Variants in VMP1 observed in about 807,000 individuals in gnomAD.
The protein encoded by VMP1 is ectopic P-granules autophagy protein 3 homolog.
VMP1 carries 11 observed loss-of-function variants against 56.0 expected under a neutral mutation model. The ratio of observed to expected loss-of-function variants is 0.20; its 90% CI spans 0.12 to 0.32. VMP1 has a LOEUF of 0.32. Ranked by LOEUF, VMP1 falls within the 10% of genes least tolerant of loss-of-function variation. The pLI, the probability that VMP1 is intolerant of heterozygous loss-of-function variation, is 1.00. For missense variants in VMP1, 296 were observed against 490.3 expected (o/e 0.60, Z 3.74); for synonymous variants, 149 against 165.0 (o/e 0.90, Z 0.74).
At chr17:59,751,185 A>T (rs2035629771) in intron 5 of VMP1, among the ~76,000 whole-genome samples, 1 of 151,860 alleles carries the variant, frequency 6.6e-6, no homozygotes, top group South Asian at 2.1e-4. Flanking sequence ...GCCAGGTAGC[A>T]CCTTTTAAGC....
intron 1 of VMP1, 53 bp from the exon 2 acceptor site, chr17:59,731,368 G>A: frequency 9.1e-7 from 1 of 1,102,738 alleles, no homozygotes; most frequent in South Asian, 1.5e-5. Flanking sequence ...TTCAGTCACA[G>A]CTACACAGCA....
rs551779243 is a variant in VMP1, at chr17:59,781,083, G to A, written c.714+7198G>A. On this transcript the variant is annotated intron_variant, in intron 7 of 11. Coordinates refer to ENST00000262291, the MANE Select transcript of VMP1 (RefSeq NM_030938.5). ...CAGTTGAAGGGGTGAGGGAGAACAAGTGGAAAGAGACTGTTGCCGGTTTTC... is the reference window on the plus strand; with the variant it reads ...CAGTTGAAGGGGTGAGGGAGAACAAATGGAAAGAGACTGTTGCCGGTTTTC... Among the ~76,000 whole-genome samples, 4 of 152,280 alleles carry A rather than the reference G, an allele frequency of 2.6e-5. No individual in the cohort carries two copies. The East Asian group carries it at 7.7e-4, about 29-fold the overall frequency.
At chr17:59,780,000 T>C (rs1487783014) in intron 7 of VMP1, among the ~76,000 whole-genome samples, 1 of 152,226 alleles carries the variant, frequency 6.6e-6, no homozygotes, top group African/African-American at 2.4e-5. Flanking sequence ...AGTCTTTATC[T>C]ATCTACTGTT....
chr17:59,746,976 A>G (rs1352142042), intron 5 of VMP1, among the ~76,000 whole-genome samples: 2 of 152,180 alleles, frequency 1.3e-5, no homozygotes, highest in Non-Finnish European at 2.9e-5. Flanking sequence ...GTGAAATGTT[A>G]AGAACCATTC....
At chr17:59,788,141 A>G (rs2144104224) in intron 7 of VMP1, among the ~76,000 whole-genome samples, 1 of 152,332 alleles carries the variant, frequency 6.6e-6, no homozygotes, top group South Asian at 2.1e-4. Context: ...GCAGGGAAAA[A>G]AAGAATAAAT....
intron 10 of VMP1, among the ~76,000 whole-genome samples, chr17:59,823,985 C>T (rs775686525): frequency 4.6e-5 from 7 of 152,156 alleles, no homozygotes; most frequent in African/African-American, 1.7e-4. Flanking sequence ...AATCCCGGGC[C>T]GGGCGCAGAG....
chr17:59,757,759 T>C (rs574338235), intron 5 of VMP1, among the ~76,000 whole-genome samples: 28 of 151,722 alleles, frequency 1.8e-4, no homozygotes, highest in African/African-American at 6.5e-4. Flanking sequence ...CAAATCCAGA[T>C]GTCCAATATG....
chr17:59,816,807 G>A lies in VMP1; in HGVS notation c.913-905G>A, dbSNP rs376622907. 1.8e-3 allele frequency among the ~76,000 whole-genome samples: 277 copies of A among 151,602 alleles called. 1 individual carries two copies. Among genetic ancestry groups the A allele is most frequent in the East Asian group, 4.3e-3 (22 of 5,144 alleles). ...CAAAAAACACAAAAATTTGCTAGGC[G>A]TGGTGTCGTGCGCCTGTAATCCCAG... On this transcript the variant is annotated intron_variant, in intron 9 of 11. Transcript: ENST00000262291.
At chr17:59,763,487 T>A (rs555986944) in intron 5 of VMP1, among the ~76,000 whole-genome samples, 1 of 152,278 alleles carries the variant, frequency 6.6e-6, no homozygotes, top group South Asian at 2.1e-4. Flanking sequence ...ATCGATTTTT[T>A]TGATCCAGAA....
intron 9 of VMP1, among the ~76,000 whole-genome samples, chr17:59,813,351 G>A (rs959732128): frequency 1.3e-5 from 2 of 152,148 alleles, no homozygotes; most frequent in Non-Finnish European, 2.9e-5. Flanking sequence ...GCCGAGGCGG[G>A]TGGATCACCT....
chr17:59,737,671 A>C, intron 4 of VMP1, 128 bp downstream of exon 4: 1 of 701,030 alleles, frequency 1.4e-6, no homozygotes, highest in Non-Finnish European at 2.2e-6. Context: ...CTAGTATCTC[A>C]AATGTTTTAC....
intron 1 of VMP1, among the ~76,000 whole-genome samples, chr17:59,724,641 C>A (rs567894948): frequency 6.6e-6 from 1 of 151,908 alleles, no homozygotes; most frequent in Non-Finnish European, 1.5e-5. Context: ...TATTGCACGC[C>A]AGCCTTCGTA....
At chr17:59,780,446 G>A (rs1236915686) in intron 7 of VMP1, among the ~76,000 whole-genome samples, 4 of 152,310 alleles carry the variant, frequency 2.6e-5, no homozygotes, top group Admixed American at 1.3e-4. Context: ...CAGAAAATTA[G>A]CTGGGCATGG....
chr17:59,806,735 A>T (rs1481540306), intron 7 of VMP1, among the ~76,000 whole-genome samples: 1 of 148,424 alleles, frequency 6.7e-6, no homozygotes, highest in Non-Finnish European at 1.5e-5. Context: ...AAAAAAAATT[A>T]AATCTGATAT....
rs187545613 is a variant in VMP1 at position 59,711,981 on chromosome 17, A to T, written c.-27+4233A>T. ...ATAAAGCTAGACTGCTTTTTTTCAAATTCTAGCTCTATTACTATGCAACTC... is the reference window on the plus strand; with the variant it reads ...ATAAAGCTAGACTGCTTTTTTTCAATTTCTAGCTCTATTACTATGCAACTC... On this transcript the variant is annotated intron_variant, in intron 1 of 11. Coordinates refer to ENST00000262291, the MANE Select transcript of VMP1 (RefSeq NM_030938.5). 1.7e-4 allele frequency among the ~76,000 whole-genome samples: 26 copies of T among 152,224 alleles called. No individual in the cohort carries two copies. In the East Asian group the frequency reaches 1.7e-3, roughly 10 times the overall value.
chr17:59,840,042 G>A lies in VMP1; in HGVS notation c.*131G>A. On this transcript the variant is annotated 3_prime_UTR_variant, in exon 12 of 12. Transcript: ENST00000262291. ...TTTTACAACTTTTTTCCTGAAAGCA[G>A]TTTAGTCCATACTTTGCACTGACAT... 1 of 1,232,294 alleles carries A rather than the reference G, an allele frequency of 8.1e-7. No individual in the cohort carries two copies. Among genetic ancestry groups the A allele is most frequent in the South Asian group, 1.4e-5 (1 of 70,850 alleles). 76.3% of individuals were successfully genotyped at this position (1,232,294 alleles called of 1,614,324 possible).
At chr17:59,804,254 A>G (rs1022734639) in intron 7 of VMP1, among the ~76,000 whole-genome samples, 3 of 152,198 alleles carry the variant, frequency 2.0e-5, no homozygotes, top group Non-Finnish European at 4.4e-5. Flanking sequence ...TAATGTTTTC[A>G]ATAAAATTAT....
intron 5 of VMP1, among the ~76,000 whole-genome samples, chr17:59,751,744 C>CAAAAA (rs932086949): frequency 7.0e-5 from 3 of 42,554 alleles, no homozygotes; most frequent in East Asian, 7.4e-4. Flanking sequence ...AACTCCGTCT[C>CAAAAA]AAAAAAAAAA....
chr17:59,745,324 C>T (rs920551213), intron 5 of VMP1, among the ~76,000 whole-genome samples: 37 of 152,056 alleles, frequency 2.4e-4, no homozygotes, highest in African/African-American at 8.2e-4. Flanking sequence ...CTTAGGCCTC[C>T]CAAGAGCCAA....
Sources: gnomAD v4.1 joint callset for allele counts (sites outside exome capture counted in the v4.1 genomes callset) on GRCh38, gnomAD v4.1.1 for gene constraint, MANE v1.5 for transcripts, NCBI Gene and HGNC (gene_info 2026-07-23, HGNC 2026-07-21) for gene names.